The following KMT2C variants were observed in gnomAD, a reference collection of about 807,000 sequenced individuals.
The protein encoded by KMT2C is histone-lysine N-methyltransferase 2C.
A neutral mutation model predicts 507.9 loss-of-function variants in KMT2C; 88 were observed. That is an observed-to-expected ratio of 0.17 (90% CI 0.15 to 0.21). The LOEUF is 0.21. Ranked by LOEUF, KMT2C falls within the 10% of genes least tolerant of loss-of-function variation. KMT2C has a pLI of 1.00. For synonymous variants in KMT2C, 2,049 were observed against 2,080.8 expected, an observed-to-expected ratio of 0.98 and a Z score of 0.42; for missense variants, 4,954 against 5,957.8, an observed-to-expected ratio of 0.83 and a Z score of 5.55.
At chr7:152,161,050 T>C (rs1038901594) in intron 43 of KMT2C, among the ~76,000 whole-genome samples, 14 of 152,066 alleles carry the variant, frequency 9.2e-5, no homozygotes, top group Admixed American at 7.9e-4. Context: ...CATAGAAGGG[T>C]AAAAAGACAG....
Position 152,136,578 on chromosome 7 carries a change from GA to G in KMT2C, c.*253del. On this transcript the variant is annotated 3_prime_UTR_variant, in exon 59 of 59. Coordinates refer to ENST00000262189, the MANE Select transcript of KMT2C (RefSeq NM_170606.3). ...AAACAAAAAAAAAAGAAAAGGAAAAGAAAAAAAAGCAAAAGTGCTGGACCAT... is the reference window on the plus strand; with the variant it reads ...AAACAAAAAAAAAAGAAAAGGAAAAGAAAAAAAGCAAAAGTGCTGGACCAT... 7.8e-6 allele frequency: 3 copies of G among 383,912 alleles called. No homozygotes were observed. The highest frequency in any genetic ancestry group is 6.8e-5 in the South Asian group (1 of 14,742). The allele number at this position is 383,912 out of a possible 1,614,324, so 23.8% of individuals were successfully genotyped here.
At chr7:152,254,160 G>A (rs1454359695) in intron 9 of KMT2C, among the ~76,000 whole-genome samples, 1 of 151,824 alleles carries the variant, frequency 6.6e-6, no homozygotes, top group Non-Finnish European at 1.5e-5. Flanking sequence ...ACAGAACTGT[G>A]GTGTCATCTA....
intron 23 of KMT2C, among the ~76,000 whole-genome samples, chr7:152,218,682 A>G (rs2094661186): frequency 6.6e-6 from 1 of 152,030 alleles, no homozygotes; most frequent in African/African-American, 2.4e-5. Flanking sequence ...CTACTGACAC[A>G]TCACCTTATG....
Position 152,177,090 on chromosome 7 carries a change from T to C in KMT2C, c.8363A>G (p.Gln2788Arg), listed in dbSNP as rs2093242301. Reference protein sequence around the residue: ...DLPIDDKLDNQCVSVEPKKKE... With the variant: ...DLPIDDKLDNRCVSVEPKKKE... ...TTTTTTTGGTTCAACAGATACACAC[T>C]GATTATCTAACTTATCATCAATTGG... The change falls in exon 38 of 59, where the codon CAG becomes CGG. Residue 2788 changes from glutamine to arginine, a missense_variant. Physicochemically the swap from Gln to Arg is conservative, Grantham distance 43 (BLOSUM62 1). This residue lies in a region of KMT2C where 1,689 missense variants were observed against 1,654.3 expected (regional missense o/e 1.02). Coordinates refer to ENST00000262189, the MANE Select transcript of KMT2C (RefSeq NM_170606.3). The C allele has an allele frequency of 1.2e-6, 2 of 1,612,816 alleles. No individual in the cohort carries two copies. Among genetic ancestry groups the C allele is most frequent in the African/African-American group, 1.3e-5 (1 of 74,894 alleles).
At chr7:152,376,607 C>A (rs1388254232) in intron 1 of KMT2C, among the ~76,000 whole-genome samples, 2 of 152,140 alleles carry the variant, frequency 1.3e-5, no homozygotes, top group South Asian at 2.1e-4. Context: ...AAGGCTCTAA[C>A]CTTCTTCAAT....
At position 152,148,970 on chromosome 7, in the gene KMT2C, C is replaced by T. The variant is rs1331912089; in HGVS notation, c.12957G>A (p.Glu4319=). ...TCACCTTCAGCTCATCTGGCTTGGC[C>T]TCGACTTGGGCTGCTTCAAAAGCAG... is the stretch of plus-strand genomic sequence containing the variant. ...FPPAFEAAQV[E]AKPDELKVTV... The change falls in exon 52 of 59, where the codon GAG becomes GAA. Residue 4319 remains glutamate, a synonymous_variant. Coordinates refer to ENST00000262189, the MANE Select transcript of KMT2C (RefSeq NM_170606.3). The surrounding 1 kb of genome is among the most constrained non-coding windows in gnomAD (Gnocchi z 7.1). 1 of 1,595,066 alleles carries T rather than the reference C, an allele frequency of 6.3e-7. No homozygotes were observed. The highest frequency in any genetic ancestry group is 2.2e-5 in the East Asian group (1 of 44,788).
Position 152,182,391 on chromosome 7 carries a change from C to T in KMT2C, c.5469G>A (p.Gln1823=), listed in dbSNP as rs766639707. 1 of 1,613,204 alleles carries T rather than the reference C, an allele frequency of 6.2e-7. No homozygotes were observed. The highest frequency in any genetic ancestry group is 8.5e-7 in the Non-Finnish European group (1 of 1,179,546). The change falls in exon 36 of 59, where the codon CAG becomes CAA. Residue 1823 remains glutamine, a synonymous_variant. Transcript: ENST00000262189. The part of the protein sequence containing the change: ...QPGNGNMSPA[Q]SFHKELFTKQ... ...TTGTAAACAGTTCTTTATGGAATGA[C>T]TGTGCAGGAGACATATTTCCATTGC...
intron 31 of KMT2C, among the ~76,000 whole-genome samples, chr7:152,192,780 C>G (rs1480801367): frequency 6.6e-6 from 1 of 152,126 alleles, no homozygotes; most frequent in African/African-American, 2.4e-5. Flanking sequence ...GGCACTTACA[C>G]AAGAAAAGGA....
chr7:152,348,599 TAAAAAA>T (rs201530125), intron 2 of KMT2C, among the ~76,000 whole-genome samples: 104 of 49,000 alleles, frequency 2.1e-3, no homozygotes, highest in Admixed American at 5.1e-3. Context: ...AACTCTGTCT[TAAAAAA>T]AAAAAAAAAA....
chr7:152,415,864 T>C (rs2987516), intron 1 of KMT2C, among the ~76,000 whole-genome samples: 1 of 151,792 alleles, frequency 6.6e-6, no homozygotes, highest in South Asian at 2.1e-4. Context: ...TGGGCAACAG[T>C]GTAAGACTCA....
At position 152,152,618 on chromosome 7, in the gene KMT2C, GTTAAAAGAT is replaced by G. The variant is rs2091725151; in HGVS notation, c.12526+78_12526+86del. The G allele has an allele frequency of 4.0e-6, 6 of 1,491,664 alleles. No homozygotes were observed. In the African/African-American group the frequency reaches 8.3e-5, roughly 21 times the overall value. 92.4% of individuals were successfully genotyped at this position (1,491,664 alleles called of 1,614,324 possible). On this transcript the variant is annotated intron_variant, in intron 49 of 58. Coordinates refer to ENST00000262189, the MANE Select transcript of KMT2C (RefSeq NM_170606.3). ...TACGCCAGCATGTTACCTGTCCGTT[GTTAAAAGAT>G]AATCAGTATCTCAAAGAGTAAGCTT...
chr7:152,222,433 T>C (rs1461456296), intron 21 of KMT2C, 140 bp downstream of exon 21: 1 of 553,472 alleles, frequency 1.8e-6, no homozygotes, highest in Non-Finnish European at 3.2e-6. Flanking sequence ...CCAAAAATAA[T>C]ATTTTTCATA....
chr7:152,339,261 A>C (rs2096967867), intron 2 of KMT2C, among the ~76,000 whole-genome samples: 1 of 152,198 alleles, frequency 6.6e-6, no homozygotes, highest in Admixed American at 6.5e-5. Context: ...ACTAACCTCT[A>C]ATTTTTATTC....
In KMT2C at chr7:152,290,284, ATATATATATATTTTTTTTTTTTTT is replaced by A. The variant is rs1480524079; in HGVS notation, c.850-16441_850-16418del. On this transcript the variant is annotated intron_variant, in intron 6 of 58. Coordinates refer to ENST00000262189, the MANE Select transcript of KMT2C (RefSeq NM_170606.3). ...TATATATATATATATATATATATAT[ATATATATATATTTTTTTTTTTTTT>A]TTTTTTTTTTTTTTTTGTCTGAGAT... Among the ~76,000 whole-genome samples, 267 of 33,970 alleles carry A rather than the reference ATATATATATATTTTTTTTTTTTTT, an allele frequency of 7.9e-3. 7 individuals are homozygous for A. Among genetic ancestry groups the A allele is most frequent in the African/African-American group, 0.034 (257 of 7,488 alleles). The allele number at this position is 33,970 out of a possible 152,430, so 22.3% of individuals were successfully genotyped here. A position where few individuals can be genotyped will look rare whatever the true frequency, so the allele number is the denominator to read the frequency against.
intron 2 of KMT2C, among the ~76,000 whole-genome samples, chr7:152,343,416 T>A (rs2097018336): frequency 1.6e-5 from 2 of 128,974 alleles, no homozygotes. Context: ...CAAAAGAAAC[T>A]TCCAAACCTG....
Position 152,352,859 on chromosome 7 carries a change from T to C in KMT2C, c.250+5728A>G, listed in dbSNP as rs147416712. 2.2e-4 allele frequency among the ~76,000 whole-genome samples: 33 copies of C among 152,274 alleles called. No individual in the cohort carries two copies. In the East Asian group the frequency reaches 6.4e-3, roughly 29 times the overall value. ...AGCTCTGAAAGGTTTTGAGATGTTA[T>C]TTAAAAGGACTCAGAAGCCAGCTGA... is the stretch of plus-strand genomic sequence containing the variant. On this transcript the variant is annotated intron_variant, in intron 2 of 58. Transcript: ENST00000262189.
chr7:152,162,923 A>G lies in KMT2C; in HGVS notation c.10654T>C (p.Ser3552Pro), dbSNP rs749714909. ...TSFQQSPVRPSFTPALPAAPP... is the reference protein window; with the variant it reads ...TSFQQSPVRPPFTPALPAAPP... Reference sequence around the variant, plus strand: ...GCTGCTGGTAAAGCAGGTGTAAAAGAAGGCCTCACTGGGGACTGCTGGAAG... The same window carrying G: ...GCTGCTGGTAAAGCAGGTGTAAAAGGAGGCCTCACTGGGGACTGCTGGAAG... The change falls in exon 43 of 59, where the codon TCT becomes CCT. Residue 3552 changes from serine to proline, a missense_variant. Ser to Pro is a moderately conservative substitution (Grantham distance 74, BLOSUM62 -1). Around this residue, in one of 29 missense-constraint regions of KMT2C, gnomAD observed 801 missense variants for 751.2 expected, o/e 1.07. Transcript: ENST00000262189. 27 of 1,614,046 alleles carry G rather than the reference A, an allele frequency of 1.7e-5. No homozygotes were observed. Among genetic ancestry groups the G allele is most frequent in the South Asian group, 1.3e-4 (12 of 91,082 alleles).
chr7:152,180,077 ATCT>A lies in KMT2C; in HGVS notation c.7196_7198del (p.Lys2399del), dbSNP rs764654113. The A allele has an allele frequency of 6.2e-6, 10 of 1,614,064 alleles. No homozygotes were observed. In the Admixed American group the frequency reaches 6.7e-5, roughly 11 times the overall value. Reference sequence around the variant, plus strand: ...TGACCCCTTCTCCTGTCGACCTGCAATCTTCTTCTGCTGTTGCTGCTGGAGAAT... The same window carrying A: ...TGACCCCTTCTCCTGTCGACCTGCAATCTTCTGCTGTTGCTGCTGGAGAAT... On this transcript the variant is annotated inframe_deletion, in exon 37 of 59. Transcript: ENST00000262189.
rs746018833 is a variant in KMT2C, at chr7:152,178,015, T to TA, written c.7443-6dup. 14,991 of 809,222 alleles carry TA rather than the reference T, an allele frequency of 0.019. 49 individuals are homozygous for TA. The highest frequency in any genetic ancestry group is 0.026 in the Middle Eastern group (48 of 1,812). 50.1% of individuals were successfully genotyped at this position (809,222 alleles called of 1,614,324 possible). A position where few individuals can be genotyped will look rare whatever the true frequency, so the allele number is the denominator to read the frequency against. On this transcript the variant is annotated splice_polypyrimidine_tract_variant and splice_region_variant and intron_variant, in intron 37 of 58. Coordinates refer to ENST00000262189, the MANE Select transcript of KMT2C (RefSeq NM_170606.3). Reference sequence around the variant, plus strand: ...CTACCTCCTGGAAATCCAAATCTTTTAAAAAAAAAAAAAAAAAAAAAAAAA... The same window carrying TA: ...CTACCTCCTGGAAATCCAAATCTTTTAAAAAAAAAAAAAAAAAAAAAAAAAA...
Sources: gnomAD v4.1 joint callset for allele counts (sites outside exome capture counted in the v4.1 genomes callset) on GRCh38, gnomAD v4.1.1 for gene constraint, gnomAD v4.1.1 regional missense constraint, Gnocchi (gnomAD v3.1) non-coding constraint, MANE v1.5 for transcripts, NCBI Gene and HGNC (gene_info 2026-07-23, HGNC 2026-07-21) for gene names.